Variants in AP1M2 observed in about 807,000 individuals in gnomAD.
AP1M2 encodes AP-1 complex subunit mu-2.
Under a neutral mutation model 54.6 loss-of-function variants are expected in AP1M2, and 41 were observed. That is an observed-to-expected ratio of 0.75 (90% CI 0.59 to 0.97). The LOEUF is 0.97. Ranked by LOEUF, AP1M2 falls within the 50% of genes least tolerant of loss-of-function variation. AP1M2 has a pLI of 0.00. For missense variants in AP1M2, 507 were observed against 561.2 expected (o/e 0.90, Z 0.98); for synonymous variants, 219 against 215.9 (o/e 1.01, Z -0.13).
chr19:10,576,795 C>G (rs1917249687), intron 9 of AP1M2, among the ~76,000 whole-genome samples: 1 of 151,900 alleles, frequency 6.6e-6, no homozygotes, highest in African/African-American at 2.4e-5. Context: ...CAACCTCTGC[C>G]TCCCGGGTTC....
intron 6 of AP1M2, 37 bp downstream of exon 6, chr19:10,581,229 G>C: frequency 1.3e-6 from 2 of 1,587,562 alleles, no homozygotes; most frequent in East Asian, 2.3e-5. Flanking sequence ...CGACTCCCCT[G>C]TGCATTTCTC....
chr19:10,575,059 G>A (rs772682903), intron 9 of AP1M2, 30 bp from the exon 10 acceptor site: 16 of 1,454,480 alleles, frequency 1.1e-5, no homozygotes, highest in East Asian at 2.6e-5. Flanking sequence ...TCAGGTACAC[G>A]AGGGTCCGCC....
At position 10,581,800 on chromosome 19, in the gene AP1M2, C is replaced by G. The variant is rs1257700973; in HGVS notation, c.346G>C (p.Glu116Gln). The G allele has an allele frequency of 6.2e-7, 1 of 1,614,032 alleles. No homozygotes were observed. Among genetic ancestry groups the G allele is most frequent in the Admixed American group, 1.7e-5 (1 of 59,990 alleles). Residue 116 changes from glutamate (E) to glutamine (Q), a missense_variant, in exon 4 of 12, where the codon GAG (glutamate) becomes CAG (glutamine). Coordinates refer to ENST00000250244, the MANE Select transcript of AP1M2 (RefSeq NM_005498.5). ...NFVIVYELLD[E>Q]LMDFGFPQTT... ...TGCGGGAAGCCAAAGTCCATGAGCT[C>G]GTCCAGCAACTCGTAGACGATGACA...
At chr19:10,578,990 T>C (rs760813811) in intron 7 of AP1M2, 27 bp from the exon 8 acceptor site, 1 of 1,522,804 alleles carries the variant, frequency 6.6e-7, no homozygotes, top group Admixed American at 1.9e-5. Context: ...GGGAGAGTTC[T>C]TGGAGACTCC....
rs772819584 is a variant in AP1M2, at chr19:10,577,249, GGC to G, written c.994_995del (p.Ala332GlnfsTer14). The G allele has an allele frequency of 6.2e-7, 1 of 1,612,660 alleles. No individual in the cohort carries two copies. Among genetic ancestry groups the G allele is most frequent in the Admixed American group, 1.7e-5 (1 of 59,872 alleles). On this transcript the variant is annotated frameshift_variant, in exon 9 of 12. Transcript: ENST00000250244. LOFTEE classifies it high-confidence loss of function. ...SPRFKTSVGS[A>X]KYVPERNVVI... Reference sequence around the variant, plus strand: ...CGACGTTTCTCTCCGGCACATACTTGGCGCTGCCCACACTGGTCTTGAATCTG... The same window carrying G: ...CGACGTTTCTCTCCGGCACATACTTGGCTGCCCACACTGGTCTTGAATCTG...
intron 10 of AP1M2, among the ~76,000 whole-genome samples, 191 bp downstream of exon 10, chr19:10,574,713 G>A (rs1039254961): frequency 6.6e-6 from 1 of 152,212 alleles, no homozygotes; most frequent in East Asian, 1.9e-4. Flanking sequence ...GGGGAACAAG[G>A]TGGCACAGGC....
At chr19:10,586,796 G>C (rs559369674) in intron 1 of AP1M2, among the ~76,000 whole-genome samples, 12 of 152,270 alleles carry the variant, frequency 7.9e-5, no homozygotes, top group Non-Finnish European at 1.5e-4. Flanking sequence ...GCCACAGATG[G>C]GGGGAGTTAG....
chr19:10,579,220 T>C (rs571361351), intron 7 of AP1M2, among the ~76,000 whole-genome samples: 89 of 151,500 alleles, frequency 5.9e-4, no homozygotes, highest in African/African-American at 2.1e-3. Flanking sequence ...ATCGAGACCA[T>C]CCTGGCTAAC....
chr19:10,583,936 C>A lies in AP1M2; in HGVS notation c.177G>T (p.Trp59Cys). The change falls in exon 2 of 12, where the codon TGG becomes TGT. Residue 59 changes from tryptophan (W) to cysteine (C), a missense_variant. Transcript: ENST00000250244. ...LLSHGQVHFL[W>C]IKHSNLYLVA... Reference sequence around the variant, plus strand: ...TACAGTAGAGGTTGCTGTGTTTGATCCATAGGAAGTGGACCTGGCCGTGGC... The same window carrying A: ...TACAGTAGAGGTTGCTGTGTTTGATACATAGGAAGTGGACCTGGCCGTGGC... 6.2e-7 allele frequency: 1 copy of A among 1,600,978 alleles called. No homozygotes were observed. The highest frequency in any genetic ancestry group is 1.1e-5 in the South Asian group (1 of 88,926).
chr19:10,584,510 G>A (rs1453333323), intron 1 of AP1M2, among the ~76,000 whole-genome samples: 1 of 152,032 alleles, frequency 6.6e-6, no homozygotes, highest in Non-Finnish European at 1.5e-5. Flanking sequence ...AACCTGGGAG[G>A]CGGAGATTGC....
intron 9 of AP1M2, 128 bp downstream of exon 9, chr19:10,577,070 G>T: frequency 1.9e-6 from 2 of 1,069,554 alleles, no homozygotes; most frequent in Non-Finnish European, 2.7e-6. Context: ...TGGCATTCCA[G>T]TCATGAGCCA....
At chr19:10,580,044 G>GTTTTT (rs59349358) in intron 6 of AP1M2, among the ~76,000 whole-genome samples, 186 bp from the exon 7 acceptor site, 9 of 71,204 alleles carry the variant, frequency 1.3e-4, no homozygotes, top group Non-Finnish European at 1.8e-4. Context: ...ATCTGGCTTG[G>GTTTTT]TTTTTTTTTT....
Position 10,585,396 on chromosome 19 carries a change from C to T in AP1M2, c.43-1326G>A, listed in dbSNP as rs368065723. On this transcript the variant is annotated intron_variant, in intron 1 of 11. Coordinates refer to ENST00000250244, the MANE Select transcript of AP1M2 (RefSeq NM_005498.5). ...ATTGTGCCTGGTAGTCAGGAAGACACCCATAATAGTAAACACTTCTGTCTG... is the reference window on the plus strand; with the variant it reads ...ATTGTGCCTGGTAGTCAGGAAGACATCCATAATAGTAAACACTTCTGTCTG... Among the ~76,000 whole-genome samples the T allele has an allele frequency of 1.0e-3, 156 of 151,874 alleles. 4 individuals are homozygous for T. In the South Asian group the frequency reaches 0.025, roughly 25 times the overall value.
chr19:10,576,552 G>A (rs150716888), intron 9 of AP1M2, among the ~76,000 whole-genome samples: 56 of 151,600 alleles, frequency 3.7e-4, no homozygotes, highest in Middle Eastern at 3.4e-3. Flanking sequence ...GTGAGCCACC[G>A]TGCCCTGCCC....
chr19:10,577,442 T>C (rs1440777723), intron 8 of AP1M2, 86 bp from the exon 9 acceptor site: 2 of 1,194,844 alleles, frequency 1.7e-6, no homozygotes, highest in South Asian at 1.6e-5. Flanking sequence ...TTTTTTTTTT[T>C]TTTTTTTTTG....
intron 11 of AP1M2, 75 bp from the exon 12 acceptor site, chr19:10,573,163 A>T: frequency 7.1e-7 from 1 of 1,404,322 alleles, no homozygotes; most frequent in Non-Finnish European, 9.9e-7. Flanking sequence ...TCACGCTTAT[A>T]ATCCCAGCAC....
chr19:10,577,374 A>G lies in AP1M2; in HGVS notation c.889-18T>C. 4 of 1,510,340 alleles carry G rather than the reference A, an allele frequency of 2.6e-6. No homozygotes were observed. The highest frequency in any genetic ancestry group is 3.6e-6 in the Non-Finnish European group (4 of 1,114,270). 93.6% of individuals were successfully genotyped at this position (1,510,340 alleles called of 1,614,324 possible). A position where few individuals can be genotyped will look rare whatever the true frequency, so the allele number is the denominator to read the frequency against. ...CCCTTGGCCTGTCAGGGGAGCGAGCATGGGGCACGAAGAATTCGCTTGCTC... is the reference window on the plus strand; with the variant it reads ...CCCTTGGCCTGTCAGGGGAGCGAGCGTGGGGCACGAAGAATTCGCTTGCTC... On this transcript the variant is annotated intron_variant, in intron 8 of 11. Coordinates refer to ENST00000250244, the MANE Select transcript of AP1M2 (RefSeq NM_005498.5).
chr19:10,578,987 T>A (rs577820679), intron 7 of AP1M2, 24 bp from the exon 8 acceptor site: 47 of 1,550,638 alleles, frequency 3.0e-5, no homozygotes, highest in Admixed American at 9.2e-5. Context: ...AAGGGGAGAG[T>A]TCTTGGAGAC....
At chr19:10,586,453 TAAAAAAAA>T (rs59380384) in intron 1 of AP1M2, among the ~76,000 whole-genome samples, 21 of 119,696 alleles carry the variant, frequency 1.8e-4, no homozygotes, top group African/African-American at 6.8e-4. Flanking sequence ...AGACTCTATT[TAAAAAAAA>T]AAAAAAAAAA....
Sources: allele counts gnomAD v4.1 joint callset (sites outside exome capture counted in the v4.1 genomes callset), GRCh38; gene constraint gnomAD v4.1.1; transcripts MANE v1.5; gene names NCBI Gene and HGNC (gene_info 2026-07-23, HGNC 2026-07-21).